The following ADGRB3 variants were observed in gnomAD, a reference collection of about 807,000 sequenced individuals.
ADGRB3 encodes brain-specific angiogenesis inhibitor 3.
A neutral mutation model predicts 193.4 loss-of-function variants in ADGRB3; 37 were observed. The observed-to-expected ratio is 0.19, with a 90% confidence interval of 0.15 to 0.25. The LOEUF (loss-of-function observed/expected upper bound fraction) is 0.25, where lower values mean the gene tolerates loss of function less well. Ranked by LOEUF, ADGRB3 falls within the 10% of genes least tolerant of loss-of-function variation. The pLI, the probability that ADGRB3 is intolerant of heterozygous loss-of-function variation, is 1.00. For synonymous variants in ADGRB3, 690 were observed against 644.2 expected (o/e 1.07, Z -1.08); for missense variants, 1,637 against 1,852.9 (o/e 0.88, Z 2.14).
At chr6:68,679,776 A>G (rs969443540) in intron 3 of ADGRB3, among the ~76,000 whole-genome samples, 74 of 152,184 alleles carry the variant, frequency 4.9e-4, no homozygotes, top group African/African-American at 1.7e-3. Context: ...GATATGTTCA[A>G]TAGAAAAGCA....
At chr6:69,178,644 G>A (rs1775498050) in intron 17 of ADGRB3, among the ~76,000 whole-genome samples, 1 of 152,178 alleles carries the variant, frequency 6.6e-6, no homozygotes, top group South Asian at 2.1e-4. Context: ...AGTTTGGTCT[G>A]ACAGTAATAA....
At chr6:68,706,191 C>T (rs1765323350) in intron 3 of ADGRB3, among the ~76,000 whole-genome samples, 1 of 152,068 alleles carries the variant, frequency 6.6e-6, no homozygotes, top group African/African-American at 2.4e-5. Flanking sequence ...GAATGAGAAG[C>T]TGTTATCACC....
chr6:68,954,410 C>G (rs921836981), intron 6 of ADGRB3, among the ~76,000 whole-genome samples: 2 of 152,056 alleles, frequency 1.3e-5, no homozygotes, highest in Non-Finnish European at 2.9e-5. Flanking sequence ...AAAGATAAAT[C>G]AAGCTGAACA....
At chr6:68,773,838 T>C (rs1766685424) in intron 3 of ADGRB3, among the ~76,000 whole-genome samples, 1 of 151,998 alleles carries the variant, frequency 6.6e-6, no homozygotes, top group African/African-American at 2.4e-5. Flanking sequence ...GACTTAGATG[T>C]AAGATAGAAG....
At chr6:68,734,078 G>A (rs542244324) in intron 3 of ADGRB3, among the ~76,000 whole-genome samples, 1 of 151,764 alleles carries the variant, frequency 6.6e-6, no homozygotes, top group African/African-American at 2.4e-5. Context: ...ATGTTGTTCA[G>A]CAACTATGGT....
chr6:68,706,316 G>A (rs540510284), intron 3 of ADGRB3, among the ~76,000 whole-genome samples: 6 of 152,254 alleles, frequency 3.9e-5, no homozygotes, highest in Admixed American at 1.3e-4. Context: ...GGGAAGACTA[G>A]GGACTGAAAA....
chr6:68,769,516 C>T (rs576586891), intron 3 of ADGRB3, among the ~76,000 whole-genome samples: 1 of 152,116 alleles, frequency 6.6e-6, no homozygotes, highest in South Asian at 2.1e-4. Flanking sequence ...GGGAGGGGAA[C>T]ATTACACACT....
Position 68,689,744 on chromosome 6 carries a change from T to A in ADGRB3, c.757+50312T>A, listed in dbSNP as rs1367997622. Among the ~76,000 whole-genome samples the A allele has an allele frequency of 4.6e-5, 7 of 152,240 alleles. No homozygotes were observed. The East Asian group carries it at 1.2e-3, about 25-fold the overall frequency. ...TAAAAGCCGATAAGGAGCTGTTAAT[T>A]TATGTAGTCATGTAATACTTACGAA... On this transcript the variant is annotated intron_variant, in intron 3 of 31. Coordinates refer to ENST00000370598, the MANE Select transcript of ADGRB3 (RefSeq NM_001704.3).
chr6:69,335,674 A>G (rs1488391329), intron 24 of ADGRB3, among the ~76,000 whole-genome samples: 1 of 152,106 alleles, frequency 6.6e-6, no homozygotes, highest in African/African-American at 2.4e-5. Flanking sequence ...TCCCCAGTGA[A>G]GAAGAAATAA....
intron 3 of ADGRB3, among the ~76,000 whole-genome samples, chr6:68,710,291 T>G (rs1024935691): frequency 6.6e-6 from 1 of 152,184 alleles, no homozygotes; most frequent in African/African-American, 2.4e-5. Context: ...ACTTCCACTC[T>G]AACTCTGGTG....
intron 3 of ADGRB3, among the ~76,000 whole-genome samples, chr6:68,853,133 G>A (rs1330109702): frequency 6.6e-6 from 1 of 151,976 alleles, no homozygotes; most frequent in Admixed American, 6.6e-5. Context: ...ATTCATTAGT[G>A]TCTGTAATTT....
At chr6:69,079,488 T>C (rs770038161) in intron 17 of ADGRB3, among the ~76,000 whole-genome samples, 1 of 152,092 alleles carries the variant, frequency 6.6e-6, no homozygotes, top group Non-Finnish European at 1.5e-5. Context: ...GGGCAAAAGC[T>C]AGAAGCATTC....
At chr6:68,853,726 C>A (rs1350408916) in intron 3 of ADGRB3, among the ~76,000 whole-genome samples, 1 of 151,790 alleles carries the variant, frequency 6.6e-6, no homozygotes, top group Non-Finnish European at 1.5e-5. Context: ...AGAAGTTGTT[C>A]TAACTTACTC....
At chr6:68,990,744 C>G (rs1206003091) in intron 10 of ADGRB3, among the ~76,000 whole-genome samples, 5 of 152,118 alleles carry the variant, frequency 3.3e-5, no homozygotes, top group Non-Finnish European at 5.9e-5. Flanking sequence ...CAAGTTAAAT[C>G]CCTCACAGGC....
chr6:69,162,415 C>A (rs1775021722), intron 17 of ADGRB3, among the ~76,000 whole-genome samples: 1 of 151,988 alleles, frequency 6.6e-6, no homozygotes, highest in Non-Finnish European at 1.5e-5. Context: ...TATGATATTG[C>A]CCCTTTGTTT....
intron 13 of ADGRB3, among the ~76,000 whole-genome samples, chr6:69,037,480 A>G (rs1184362735): frequency 1.5e-5 from 2 of 133,158 alleles, no homozygotes; most frequent in East Asian, 1.9e-4. Context: ...AACTCATGCT[A>G]TAGAGCATGA....
intron 20 of ADGRB3, among the ~76,000 whole-genome samples, chr6:69,293,820 G>T (rs1162718116): frequency 6.6e-6 from 1 of 152,114 alleles, no homozygotes. Flanking sequence ...AGCACAGTCT[G>T]GAAGGGGGTG....
chr6:68,853,030 T>C (rs1768437630), intron 3 of ADGRB3, among the ~76,000 whole-genome samples: 1 of 152,072 alleles, frequency 6.6e-6, no homozygotes, highest in Non-Finnish European at 1.5e-5. Flanking sequence ...TTGATCCATT[T>C]GACCAAGGTC....
chr6:69,120,613 A>G (rs1773654212), intron 17 of ADGRB3, among the ~76,000 whole-genome samples: 1 of 152,246 alleles, frequency 6.6e-6, no homozygotes, highest in African/African-American at 2.4e-5. Context: ...GCATGTTAAT[A>G]GCCTTGTGCA....
Sources: gnomAD v4.1 joint callset for allele counts (sites outside exome capture counted in the v4.1 genomes callset) on GRCh38, gnomAD v4.1.1 for gene constraint, MANE v1.5 for transcripts, NCBI Gene and HGNC (gene_info 2026-07-23, HGNC 2026-07-21) for gene names.